The following GALNT13 variants were observed in gnomAD, a reference collection of about 807,000 sequenced individuals.
GALNT13 encodes the protein polypeptide N-acetylgalactosaminyltransferase 13.
GALNT13 carries 28 observed loss-of-function variants against 64.2 expected under a neutral mutation model. The observed-to-expected ratio is 0.44, with a 90% CI of 0.32 to 0.60. The LOEUF is 0.60. Among genes scored for constraint, GALNT13 ranks in the 20% least tolerant of loss-of-function variants. The probability of loss-of-function intolerance (pLI) is 0.05; values close to 1 mark genes in which losing one functional copy is unlikely to be tolerated. For missense variants in GALNT13, 577 were observed against 669.8 expected (o/e 0.86, Z 1.53); for synonymous variants, 214 against 224.6 (o/e 0.95, Z 0.42).
the GALNT13 span, among the ~76,000 whole-genome samples, chr2:153,545,210 A>G: frequency 6.6e-6 from 1 of 152,144 alleles, no homozygotes; most frequent in Non-Finnish European, 1.5e-5. Context: ...TAATTTGTTA[A>G]GCTCCTGCTC....
At chr2:154,392,148 G>C (rs1383109873) in intron 9 of GALNT13, among the ~76,000 whole-genome samples, 1 of 152,166 alleles carries the variant, frequency 6.6e-6, no homozygotes, top group South Asian at 2.1e-4. Context: ...AAACACAGGG[G>C]TTCTGTCTGT....
At chr2:153,632,962 T>C in the GALNT13 span, among the ~76,000 whole-genome samples, 1 of 152,104 alleles carries the variant, frequency 6.6e-6, no homozygotes, top group Non-Finnish European at 1.5e-5. Flanking sequence ...GGTTTCACTA[T>C]GTTGGCCAGG....
At chr2:154,275,831 A>G (rs1691617693) in intron 8 of GALNT13, among the ~76,000 whole-genome samples, 1 of 152,174 alleles carries the variant, frequency 6.6e-6, no homozygotes, top group Non-Finnish European at 1.5e-5. Context: ...AGGAAAGCTG[A>G]CAGGAGAGGG....
At chr2:153,993,615 G>C (rs1695308529) in intron 3 of GALNT13, among the ~76,000 whole-genome samples, 1 of 145,022 alleles carries the variant, frequency 6.9e-6, no homozygotes, top group African/African-American at 2.6e-5. Flanking sequence ...GAGAATGTGT[G>C]AACTTGGGAG....
At chr2:153,742,910 T>G in the GALNT13 span, among the ~76,000 whole-genome samples, 1 of 150,534 alleles carries the variant, frequency 6.6e-6, no homozygotes. Context: ...TACACAATGA[T>G]TTCTTTTCCA....
chr2:153,852,701 G>C, the GALNT13 span, among the ~76,000 whole-genome samples: 1 of 152,178 alleles, frequency 6.6e-6, no homozygotes, highest in Admixed American at 6.5e-5. Context: ...AATACACAAT[G>C]TAAGTGGTAT....
At chr2:153,800,084 C>CTCTCTCTCTCTCTCTCTCTCTCTCTCT in the GALNT13 span, among the ~76,000 whole-genome samples, 1 of 145,728 alleles carries the variant, frequency 6.9e-6, no homozygotes, top group African/African-American at 2.5e-5. Context: ...CTCTCTCTCT[C>CTCTCTCTCTCTCTCTCTCTCTCTCTCT]CACCCCCCAC....
the GALNT13 span, among the ~76,000 whole-genome samples, chr2:153,164,609 A>T: frequency 6.6e-6 from 1 of 152,274 alleles, no homozygotes; most frequent in East Asian, 1.9e-4. Context: ...GATACTAAAC[A>T]TATTTTAGTT....
chr2:153,083,983 T>C, the GALNT13 span, among the ~76,000 whole-genome samples: 1 of 152,212 alleles, frequency 6.6e-6, no homozygotes, highest in African/African-American at 2.4e-5. Flanking sequence ...GCACCATTTG[T>C]TGTATAGGGT....
the GALNT13 span, among the ~76,000 whole-genome samples, chr2:153,403,808 A>G: frequency 6.6e-6 from 1 of 152,136 alleles, no homozygotes; most frequent in African/African-American, 2.4e-5. Context: ...GTGCTCACCC[A>G]CTGACCTGCG....
Position 153,944,505 on chromosome 2 carries a change from G to T in GALNT13, c.8G>T (p.Arg3Ile). 13 of 1,612,862 alleles carry T rather than the reference G, an allele frequency of 8.1e-6. No individual in the cohort carries two copies. Among genetic ancestry groups the T allele is most frequent in the Non-Finnish European group, 1.0e-5 (12 of 1,179,336 alleles). Residue 3 changes from arginine to isoleucine, a missense_variant, in exon 3 of 13, where the codon AGA becomes ATA. By Grantham distance (97) the Arg-to-Ile change is moderately conservative. Coordinates refer to ENST00000392825, the MANE Select transcript of GALNT13 (RefSeq NM_052917.4). MR[R>I]FVYCKVVLAT... ...TAGAAATCAAGGAAAGACATGAGGA[G>T]ATTTGTCTACTGCAAGGTGGTTCTA...
chr2:153,436,687 T>C, the GALNT13 span, among the ~76,000 whole-genome samples: 2 of 152,306 alleles, frequency 1.3e-5, no homozygotes, highest in South Asian at 4.1e-4. Flanking sequence ...CTCTTTATCA[T>C]TTTTTATTGC....
chr2:154,435,591 C>T lies in GALNT13; in HGVS notation c.1396-3001C>T, dbSNP rs374489884. 1.3e-3 allele frequency among the ~76,000 whole-genome samples: 199 copies of T among 152,288 alleles called. 6 individuals are homozygous for T. In the South Asian group the frequency reaches 0.038, roughly 29 times the overall value. On this transcript the variant is annotated intron_variant, in intron 11 of 12. Transcript: ENST00000392825. ...TGCTGAAATTATCAGAAACATCTGTCATCAGGTATTATAAACTCTCTCTCG... is the reference window on the plus strand; with the variant it reads ...TGCTGAAATTATCAGAAACATCTGTTATCAGGTATTATAAACTCTCTCTCG...
At chr2:154,442,086 G>A (rs1701326253) in intron 12 of GALNT13, among the ~76,000 whole-genome samples, 1 of 152,012 alleles carries the variant, frequency 6.6e-6, no homozygotes, top group Non-Finnish European at 1.5e-5. Flanking sequence ...TAAATATACA[G>A]TATTTCAAAT....
chr2:154,042,447 A>G (rs1187248842), intron 3 of GALNT13, among the ~76,000 whole-genome samples: 1 of 139,812 alleles, frequency 7.2e-6, no homozygotes, highest in East Asian at 2.0e-4. Flanking sequence ...ATGTTATGAC[A>G]TTATAATTTG....
the GALNT13 span, among the ~76,000 whole-genome samples, chr2:153,504,786 G>A: frequency 3.3e-5 from 5 of 152,204 alleles, no homozygotes; most frequent in Non-Finnish European, 7.4e-5. Context: ...TGGCTAGCTC[G>A]TATTTTGTTG....
chr2:154,436,943 C>CA (rs1701005207), intron 11 of GALNT13: 2 of 152,266 alleles, frequency 1.3e-5, no homozygotes, highest in South Asian at 4.2e-4. Context: ...CTTGCTCTGT[C>CA]ACCCAGACTG....
chr2:153,559,513 A>G, the GALNT13 span, among the ~76,000 whole-genome samples: 1 of 152,064 alleles, frequency 6.6e-6, no homozygotes, highest in Non-Finnish European at 1.5e-5. Flanking sequence ...AGAGGACTGG[A>G]CTGATATCCA....
intron 9 of GALNT13, among the ~76,000 whole-genome samples, chr2:154,318,312 C>G (rs544857977): frequency 1.3e-5 from 2 of 152,278 alleles, no homozygotes; most frequent in African/African-American, 4.8e-5. Context: ...CCTTAAAAAA[C>G]TTAATGAATA....
Sources: gnomAD v4.1 joint callset for allele counts (sites outside exome capture counted in the v4.1 genomes callset) on GRCh38, gnomAD v4.1.1 for gene constraint, MANE v1.5 for transcripts, NCBI Gene and HGNC (gene_info 2026-07-23, HGNC 2026-07-21) for gene names.